The following AKAP13 variants were observed in gnomAD, a reference collection of about 807,000 sequenced individuals.
AKAP13 encodes the protein A-kinase anchor protein 13.
AKAP13 carries 80 observed loss-of-function variants against 264.5 expected under a neutral mutation model. The observed-to-expected ratio is 0.30, with a 90% CI of 0.25 to 0.36. The LOEUF is 0.36. Ranked by LOEUF, AKAP13 falls within the 10% of genes least tolerant of loss-of-function variation. AKAP13 has a pLI of 1.00. For synonymous variants in AKAP13, 1,380 were observed against 1,250.2 expected (o/e 1.10, Z -2.19); for missense variants, 3,712 against 3,435.2 (o/e 1.08, Z -2.01).
At chr15:85,717,211 C>G (rs767252138) in intron 20 of AKAP13, 79 bp from the exon 21 acceptor site, 9 of 886,166 alleles carry the variant, frequency 1.0e-5, no homozygotes, top group Admixed American at 5.2e-5. Flanking sequence ...ATTCTAGAGT[C>G]TTCAGGTACT....
rs570493459 is a variant in AKAP13, at chr15:85,396,567, C to T, written c.-12+15769C>T. 2.0e-5 allele frequency among the ~76,000 whole-genome samples: 3 copies of T among 152,134 alleles called. No homozygotes were observed. The South Asian group carries it at 6.2e-4, about 32-fold the overall frequency. ...CATGCTTTACTATAATATGTTTGTCCTAGTTGTCCTGAAAGTCACTACGAA... is the reference window on the plus strand; with the variant it reads ...CATGCTTTACTATAATATGTTTGTCTTAGTTGTCCTGAAAGTCACTACGAA... On this transcript the variant is annotated intron_variant, in intron 1 of 36. Coordinates refer to ENST00000394518, the MANE Select transcript of AKAP13 (RefSeq NM_007200.5).
At chr15:85,743,460 C>A (rs760690343) in intron 35 of AKAP13, 32 bp from the exon 36 acceptor site, 1 of 1,595,450 alleles carries the variant, frequency 6.3e-7, no homozygotes, top group Non-Finnish European at 8.6e-7. Context: ...TGACAGCCTC[C>A]AAGTGAAAAC....
At chr15:85,464,876 A>G (rs952702418) in intron 1 of AKAP13, among the ~76,000 whole-genome samples, 2 of 152,214 alleles carry the variant, frequency 1.3e-5, no homozygotes, top group African/African-American at 4.8e-5. Flanking sequence ...ATGAAACCAG[A>G]GACTAAACTG....
chr15:85,506,573 C>G (rs2076229383), intron 2 of AKAP13, among the ~76,000 whole-genome samples: 1 of 151,858 alleles, frequency 6.6e-6, no homozygotes, highest in Non-Finnish European at 1.5e-5. Context: ...AAATACGTGT[C>G]AGAAAGTAAA....
chr15:85,728,046 C>A (rs1422738724), intron 29 of AKAP13, among the ~76,000 whole-genome samples: 4 of 152,160 alleles, frequency 2.6e-5, no homozygotes, highest in Non-Finnish European at 5.9e-5. Flanking sequence ...ACAGTCGAGG[C>A]CCACAGAGGA....
At chr15:85,526,306 C>T (rs1295499577) in intron 3 of AKAP13, among the ~76,000 whole-genome samples, 1 of 152,066 alleles carries the variant, frequency 6.6e-6, no homozygotes, top group Non-Finnish European at 1.5e-5. Context: ...TTTGTCCAGG[C>T]TGAAGTGCAG....
chr15:85,548,122 G>A (rs1476911290), intron 5 of AKAP13, among the ~76,000 whole-genome samples: 1 of 152,122 alleles, frequency 6.6e-6, no homozygotes, highest in Non-Finnish European at 1.5e-5. Context: ...CTTGGGACTT[G>A]GATCACCCAT....
At chr15:85,551,151 C>G (rs1028222650) in intron 5 of AKAP13, among the ~76,000 whole-genome samples, 7 of 152,164 alleles carry the variant, frequency 4.6e-5, no homozygotes, top group African/African-American at 1.7e-4. Context: ...GTTAATAACT[C>G]TGGTTCTCAG....
Position 85,713,501 on chromosome 15 carries a change from A to T in AKAP13, c.5600-2287A>T, listed in dbSNP as rs16943567. On this transcript the variant is annotated intron_variant, in intron 19 of 36. Transcript: ENST00000394518. ...ACCTCCCTTCAGAAACATTCAGGTTATGCTCCAGGCCCTTTAACTCTTAAG... is the reference window on the plus strand; with the variant it reads ...ACCTCCCTTCAGAAACATTCAGGTTTTGCTCCAGGCCCTTTAACTCTTAAG... Among the ~76,000 whole-genome samples the T allele has an allele frequency of 1.6e-4, 21 of 132,072 alleles. No individual in the cohort carries two copies. In the East Asian group the frequency reaches 4.7e-3, roughly 30 times the overall value. 86.6% of individuals were successfully genotyped at this position (132,072 alleles called of 152,430 possible).
At chr15:85,562,695 T>TCTTTTC (rs1453396460) in intron 5 of AKAP13, among the ~76,000 whole-genome samples, 1 of 19,548 alleles carries the variant, frequency 5.1e-5, no homozygotes, top group African/African-American at 1.4e-4. Flanking sequence ...TCTTTTCTTT[T>TCTTTTC]TTTTTTTTTT....
In AKAP13 at chr15:85,580,543, A is replaced by G. The variant is rs1437508688; in HGVS notation, c.2475A>G (p.Arg825=). 1 of 1,614,222 alleles carries G rather than the reference A, an allele frequency of 6.2e-7. No individual in the cohort carries two copies. Among genetic ancestry groups the G allele is most frequent in the South Asian group, 1.1e-5 (1 of 91,088 alleles). Residue 825 remains arginine, a synonymous_variant, in exon 7 of 37, where the codon AGA becomes AGG. Transcript: ENST00000394518. ...AACTACATACAGCTACAGATTATAG[A>G]GATGGCCCAGATGGAAATTCGAATG... ...TPELHTATDY[R]DGPDGNSNEP... is the part of the protein sequence containing the mutation.
intron 8 of AKAP13, among the ~76,000 whole-genome samples, chr15:85,597,238 A>T (rs1467844283): frequency 6.6e-6 from 1 of 152,084 alleles, no homozygotes. Flanking sequence ...GTGCCCTTTA[A>T]TTTGCAAGAA....
chr15:85,580,318 A>G lies in AKAP13; in HGVS notation c.2250A>G (p.Lys750=). 1 of 1,614,194 alleles carries G rather than the reference A, an allele frequency of 6.2e-7. No individual in the cohort carries two copies. Among genetic ancestry groups the G allele is most frequent in the Non-Finnish European group, 8.5e-7 (1 of 1,180,042 alleles). The change falls in exon 7 of 37, where the codon AAA becomes AAG. Residue 750 remains lysine (K), a synonymous_variant. Transcript: ENST00000394518. ...KGQRKDVKLD[K]PLTNMLEVVS... ...AACGAAAAGATGTGAAACTAGATAA[A>G]CCTTTAACAAATATGCTTGAGGTGG...
chr15:85,543,985 C>G (rs1189999697), intron 5 of AKAP13, 30 bp downstream of exon 5: 2 of 1,609,646 alleles, frequency 1.2e-6, no homozygotes, highest in Admixed American at 1.7e-5. Context: ...TATTTCCCTC[C>G]TCTCATCCCC....
At chr15:85,467,490 A>G (rs2074789165) in intron 1 of AKAP13, among the ~76,000 whole-genome samples, 1 of 151,990 alleles carries the variant, frequency 6.6e-6, no homozygotes, top group South Asian at 2.1e-4. Context: ...TCCATCTAGA[A>G]TGACTTCTCT....
At chr15:85,436,433 C>A (rs2073299355) in intron 1 of AKAP13, among the ~76,000 whole-genome samples, 1 of 138,258 alleles carries the variant, frequency 7.2e-6, no homozygotes, top group East Asian at 2.1e-4. Flanking sequence ...ACAAGGATAC[C>A]CAGGAATTGA....
rs138737748 is a variant in AKAP13, at chr15:85,749,273, A to T, written c.*4596A>T. 1.6e-4 allele frequency: 24 copies of T among 152,296 alleles called. No homozygotes were observed. Among genetic ancestry groups the T allele is most frequent in the African/African-American group, 5.3e-4 (22 of 41,568 alleles). 9.4% of individuals were successfully genotyped at this position (152,296 alleles called of 1,614,324 possible). Reference sequence around the variant, plus strand: ...AACATACTGGCTTCGTATTTTATTTATCTTTCTTTCTAGTTACCAGCTTCA... The same window carrying T: ...AACATACTGGCTTCGTATTTTATTTTTCTTTCTTTCTAGTTACCAGCTTCA... On this transcript the variant is annotated 3_prime_UTR_variant, in exon 37 of 37. Transcript: ENST00000394518.
intron 16 of AKAP13, among the ~76,000 whole-genome samples, chr15:85,685,752 G>A (rs540305106): frequency 2.1e-4 from 32 of 152,168 alleles, no homozygotes; most frequent in African/African-American, 7.7e-4. Context: ...GCAGGCTTCC[G>A]AAGCCCTGGG....
intron 1 of AKAP13, among the ~76,000 whole-genome samples, chr15:85,429,314 C>T (rs138778802): frequency 0.011 from 1,644 of 152,274 alleles, 106 homozygotes; most frequent in Admixed American, 0.099. Context: ...TCATTTCTCT[C>T]GTGCAAGACT....
Sources: allele counts gnomAD v4.1 joint callset (sites outside exome capture counted in the v4.1 genomes callset), GRCh38; gene constraint gnomAD v4.1.1; transcripts MANE v1.5; gene names NCBI Gene and HGNC (gene_info 2026-07-23, HGNC 2026-07-21).